FAM110B: variants seen among roughly 807,000 people sequenced by gnomAD.
FAM110B encodes family with sequence similarity 110 member B.
In FAM110B, 6 loss-of-function variants were observed where a neutral mutation model predicts 20.4. That is an observed-to-expected ratio of 0.29 (90% CI 0.16 to 0.58). FAM110B has a LOEUF of 0.58. Among genes scored for constraint, FAM110B ranks in the 20% least tolerant of loss-of-function variants. FAM110B has a pLI of 0.90. For missense variants in FAM110B, 434 were observed against 498.2 expected, an observed-to-expected ratio of 0.87 and a Z score of 1.23; for synonymous variants, 226 against 214.1, an observed-to-expected ratio of 1.06 and a Z score of -0.49.
At chr8:58,124,347 CT>C (rs1414129887) in intron 3 of FAM110B, among the ~76,000 whole-genome samples, 1 of 152,168 alleles carries the variant, frequency 6.6e-6, no homozygotes, top group Non-Finnish European at 1.5e-5. Flanking sequence ...CAGACCATTG[CT>C]AAGAGGAGTT....
chr8:58,052,848 C>T (rs1026418429), intron 2 of FAM110B, among the ~76,000 whole-genome samples: 2 of 124,522 alleles, frequency 1.6e-5, no homozygotes, highest in Non-Finnish European at 3.2e-5. Flanking sequence ...TGCAGTGGCG[C>T]GATCTCGGCT....
chr8:58,024,700 T>C (rs73681745), intron 1 of FAM110B, among the ~76,000 whole-genome samples: 4,138 of 152,290 alleles, frequency 0.027, 192 homozygotes, highest in African/African-American at 0.094. Context: ...CCCACTTTTT[T>C]ATAATAAATT....
At chr8:58,063,946 G>A (rs970975434) in intron 2 of FAM110B, among the ~76,000 whole-genome samples, 10 of 152,200 alleles carry the variant, frequency 6.6e-5, no homozygotes, top group Non-Finnish European at 1.3e-4. Context: ...TCATGGTTCT[G>A]CGGGCTGTAC....
At chr8:58,036,918 T>G (rs1160164981) in intron 2 of FAM110B, among the ~76,000 whole-genome samples, 1 of 152,182 alleles carries the variant, frequency 6.6e-6, no homozygotes, top group East Asian at 1.9e-4. Context: ...AGTATACTGG[T>G]TTTGTGAAAT....
rs556531323 is a variant in FAM110B, at chr8:58,055,866, G to A, written c.-413-19669G>A. Among the ~76,000 whole-genome samples the A allele has an allele frequency of 1.1e-4, 16 of 152,290 alleles. No homozygotes were observed. The South Asian group carries it at 2.7e-3, about 26-fold the overall frequency. On this transcript the variant is annotated intron_variant, in intron 2 of 3. Coordinates refer to ENST00000519262, the MANE Select transcript of FAM110B (RefSeq NM_001377989.1). ...TTCATGATAAAAGTTAACAATTTGCGGAAACTGGAGAGAAACATTGACTGT... is the reference window on the plus strand; with the variant it reads ...TTCATGATAAAAGTTAACAATTTGCAGAAACTGGAGAGAAACATTGACTGT...
intron 3 of FAM110B, among the ~76,000 whole-genome samples, chr8:58,135,372 G>T (rs546160288): frequency 2.0e-5 from 3 of 152,268 alleles, no homozygotes; most frequent in African/African-American, 7.2e-5. Context: ...ATAGGAAGTG[G>T]TCATTACTAA....
At chr8:58,094,955 A>T (rs1335888269) in intron 3 of FAM110B, among the ~76,000 whole-genome samples, 2 of 151,956 alleles carry the variant, frequency 1.3e-5, no homozygotes, top group Non-Finnish European at 2.9e-5. Context: ...CAGGGATTCG[A>T]TTTCTTCATG....
chr8:58,005,578 T>C (rs1158796061), intron 1 of FAM110B, among the ~76,000 whole-genome samples: 1 of 152,222 alleles, frequency 6.6e-6, no homozygotes, highest in East Asian at 1.9e-4. Context: ...AAGGTATGCC[T>C]GTGTATTTTT....
intron 3 of FAM110B, among the ~76,000 whole-genome samples, chr8:58,108,921 C>T (rs1258018808): frequency 1.2e-4 from 18 of 152,162 alleles, no homozygotes; most frequent in Non-Finnish European, 2.5e-4. Flanking sequence ...CCTTTATGTA[C>T]AAGGCATTTG....
intron 1 of FAM110B, among the ~76,000 whole-genome samples, chr8:58,029,697 C>G (rs1216415287): frequency 6.6e-6 from 1 of 152,194 alleles, no homozygotes; most frequent in Non-Finnish European, 1.5e-5. Flanking sequence ...GAAGTGGTCA[C>G]TTAACCACTC....
At chr8:58,120,854 G>A (rs898831233) in intron 3 of FAM110B, among the ~76,000 whole-genome samples, 4 of 152,176 alleles carry the variant, frequency 2.6e-5, no homozygotes, top group African/African-American at 9.6e-5. Context: ...GGCAGGGTTG[G>A]GGCTGGCATC....
At chr8:58,129,853 C>CT (rs1028325590) in intron 3 of FAM110B, among the ~76,000 whole-genome samples, 3 of 151,662 alleles carry the variant, frequency 2.0e-5, no homozygotes, top group South Asian at 2.1e-4. Context: ...TCTTTACTGT[C>CT]TTTTTTTTTC....
At chr8:58,084,840 A>G (rs763489152) in intron 3 of FAM110B, among the ~76,000 whole-genome samples, 2 of 152,172 alleles carry the variant, frequency 1.3e-5, no homozygotes, top group South Asian at 4.1e-4. Flanking sequence ...AGGTGCCAGC[A>G]GGGATTTTAT....
At chr8:58,010,483 C>T (rs1017254995) in intron 1 of FAM110B, among the ~76,000 whole-genome samples, 1 of 152,148 alleles carries the variant, frequency 6.6e-6, no homozygotes, top group Non-Finnish European at 1.5e-5. Context: ...AGGTTCTGCC[C>T]CATGAGCCAT....
chr8:58,126,236 C>T (rs1563378986), intron 3 of FAM110B, among the ~76,000 whole-genome samples: 1 of 152,124 alleles, frequency 6.6e-6, no homozygotes, highest in Non-Finnish European at 1.5e-5. Context: ...TAGTTCGTTC[C>T]TTTTCATTGC....
intron 1 of FAM110B, among the ~76,000 whole-genome samples, chr8:57,997,451 T>C (rs909609180): frequency 6.6e-6 from 1 of 152,238 alleles, no homozygotes; most frequent in African/African-American, 2.4e-5. Flanking sequence ...TATTTTCCCA[T>C]TGTAGAGTCA....
At chr8:58,100,689 A>T (rs886585990) in intron 3 of FAM110B, among the ~76,000 whole-genome samples, 9 of 152,164 alleles carry the variant, frequency 5.9e-5, no homozygotes, top group African/African-American at 1.9e-4. Context: ...TTATAAGGAC[A>T]CCAGTCTTAT....
intron 3 of FAM110B, among the ~76,000 whole-genome samples, chr8:58,142,050 C>A (rs1040163137): frequency 1.3e-5 from 2 of 152,204 alleles, no homozygotes; most frequent in African/African-American, 4.8e-5. Context: ...ACCTGTTCAC[C>A]TGACTGCACC....
At chr8:58,085,512 C>G (rs563308792) in intron 3 of FAM110B, among the ~76,000 whole-genome samples, 13 of 152,224 alleles carry the variant, frequency 8.5e-5, no homozygotes, top group African/African-American at 2.9e-4. Flanking sequence ...GACTCTGTCT[C>G]AAGAAAACAA....
Sources: allele counts gnomAD v4.1 joint callset (sites outside exome capture counted in the v4.1 genomes callset), GRCh38; gene constraint gnomAD v4.1.1; transcripts MANE v1.5; gene names NCBI Gene and HGNC (gene_info 2026-07-23, HGNC 2026-07-21).